Variants in CCSER1 observed in about 807,000 individuals in gnomAD.
The protein encoded by CCSER1 is coiled-coil serine rich protein 1.
A neutral mutation model predicts 82.0 loss-of-function variants in CCSER1; 41 were observed. The observed-to-expected ratio is 0.50, with a 90% CI of 0.39 to 0.65. The LOEUF is 0.65. CCSER1 is among the 30% of genes least tolerant of loss of function. The probability of loss-of-function intolerance (pLI) is 0.00; values close to 1 mark genes in which losing one functional copy is unlikely to be tolerated. For synonymous variants in CCSER1, 414 were observed against 383.9 expected (o/e 1.08, Z -0.92); for missense variants, 1,119 against 1,064.2 (o/e 1.05, Z -0.72).
intron 5 of CCSER1, among the ~76,000 whole-genome samples, chr4:90,622,729 G>C (rs368597403): frequency 6.6e-6 from 1 of 152,014 alleles, no homozygotes; most frequent in Non-Finnish European, 1.5e-5. Flanking sequence ...ATAAACATAC[G>C]TGTGCATGTG....
chr4:91,486,702 GTGTT>G (rs925953007), intron 10 of CCSER1, among the ~76,000 whole-genome samples: 28 of 152,036 alleles, frequency 1.8e-4, no homozygotes, highest in African/African-American at 6.5e-4. Context: ...GAGATTTAAA[GTGTT>G]TGAGAGGTCG....
intron 3 of CCSER1, among the ~76,000 whole-genome samples, chr4:90,345,242 T>A (rs1459039009): frequency 6.6e-6 from 1 of 152,132 alleles, no homozygotes; most frequent in African/African-American, 2.4e-5. Context: ...AGTCATTGAT[T>A]GCCATGTTAC....
chr4:90,981,188 T>A (rs969157337), intron 9 of CCSER1, among the ~76,000 whole-genome samples: 1 of 151,846 alleles, frequency 6.6e-6, no homozygotes, highest in African/African-American at 2.4e-5. Context: ...ATTGTCCAGA[T>A]TGCTAACATA....
intron 1 of CCSER1, among the ~76,000 whole-genome samples, chr4:90,284,747 C>T (rs1410850380): frequency 1.3e-5 from 2 of 152,000 alleles, no homozygotes; most frequent in African/African-American, 4.8e-5. Flanking sequence ...CCCACCTTGG[C>T]CTCCCAAAAT....
chr4:90,648,298 A>AAAGAAAGAAAG (rs2149027832), intron 6 of CCSER1, among the ~76,000 whole-genome samples: 1 of 149,110 alleles, frequency 6.7e-6, no homozygotes, highest in African/African-American at 2.5e-5. Flanking sequence ...AGAAAGAAAG[A>AAAGAAAGAAAG]AAGAAAGAAA....
intron 10 of CCSER1, among the ~76,000 whole-genome samples, chr4:91,433,180 G>T (rs1190807105): frequency 2.6e-5 from 4 of 152,072 alleles, no homozygotes; most frequent in African/African-American, 9.7e-5. Context: ...ATTAAGCTCC[G>T]TGAGATTTAG....
intron 8 of CCSER1, among the ~76,000 whole-genome samples, chr4:90,864,515 T>C (rs1765496463): frequency 6.6e-6 from 1 of 152,036 alleles, no homozygotes; most frequent in Admixed American, 6.6e-5. Flanking sequence ...TCCTACCATG[T>C]GATGACACAT....
chr4:91,011,342 C>G lies in CCSER1; in HGVS notation c.2173-74608C>G, dbSNP rs1456859873. Among the ~76,000 whole-genome samples, 3 of 134,102 alleles carry G rather than the reference C, an allele frequency of 2.2e-5. 1 individual carries two copies. The highest frequency in any genetic ancestry group is 7.4e-5 in the African/African-American group (3 of 40,298). The allele number at this position is 134,102 out of a possible 152,430, so 88.0% of individuals were successfully genotyped here. ...TAGGGATACTTAGCTTAGGGGACCT[C>G]TCTTGGTGCTGGATCTGACATGGCA... On this transcript the variant is annotated intron_variant, in intron 9 of 10. Transcript: ENST00000509176.
At chr4:91,394,221 ATGCG>A (rs1382575468) in intron 10 of CCSER1, among the ~76,000 whole-genome samples, 1 of 152,116 alleles carries the variant, frequency 6.6e-6, no homozygotes, top group Admixed American at 6.6e-5. Context: ...GGAAAAAACA[ATGCG>A]TTGAAATTGA....
At chr4:90,614,369 T>G (rs1720822854) in intron 5 of CCSER1, among the ~76,000 whole-genome samples, 1 of 152,166 alleles carries the variant, frequency 6.6e-6, no homozygotes. Context: ...AAGAGTCACA[T>G]TTCTCTAAAT....
intron 10 of CCSER1, among the ~76,000 whole-genome samples, chr4:91,142,201 GAATA>G (rs1025152082): frequency 3.3e-5 from 5 of 152,148 alleles, no homozygotes; most frequent in Admixed American, 6.5e-5. Flanking sequence ...TTGTGGTAGT[GAATA>G]AGTGTCACAA....
intron 5 of CCSER1, among the ~76,000 whole-genome samples, chr4:90,604,457 A>G (rs1490754026): frequency 6.6e-6 from 1 of 152,236 alleles, no homozygotes; most frequent in African/African-American, 2.4e-5. Context: ...ATTTAGTCTC[A>G]ACATCTATAA....
At chr4:90,773,575 C>T (rs985952181) in intron 7 of CCSER1, among the ~76,000 whole-genome samples, 1 of 152,118 alleles carries the variant, frequency 6.6e-6, no homozygotes, top group African/African-American at 2.4e-5. Flanking sequence ...TTCCCACCTC[C>T]TCTCCAGTAT....
intron 8 of CCSER1, among the ~76,000 whole-genome samples, chr4:90,852,875 C>T (rs748514699): frequency 1.3e-5 from 2 of 151,952 alleles, no homozygotes; most frequent in Non-Finnish European, 2.9e-5. Context: ...TACTATAGAG[C>T]GATTTATACT....
chr4:90,385,364 C>CTT (rs530190805), intron 3 of CCSER1, among the ~76,000 whole-genome samples: 1 of 136,176 alleles, frequency 7.3e-6, no homozygotes. Context: ...ATAAGTGTTC[C>CTT]TTTTTTTTTT....
intron 4 of CCSER1, among the ~76,000 whole-genome samples, chr4:90,421,070 G>C (rs544208293): frequency 1.3e-5 from 2 of 152,216 alleles, no homozygotes; most frequent in South Asian, 4.1e-4. Flanking sequence ...TGTATTTAAA[G>C]TTGTTCACCA....
chr4:91,345,115 G>A (rs1747965510), intron 10 of CCSER1, among the ~76,000 whole-genome samples: 1 of 152,176 alleles, frequency 6.6e-6, no homozygotes. Flanking sequence ...TAGTGGCCTG[G>A]CACGGTGGCT....
intron 10 of CCSER1, among the ~76,000 whole-genome samples, chr4:91,299,459 G>A (rs1006129283): frequency 6.6e-6 from 1 of 151,886 alleles, no homozygotes. Context: ...ACTTATCTGT[G>A]CATCATACTT....
rs1024766171 is a variant in CCSER1 at position 91,379,909 on chromosome 4, C to T, written c.2218-218663C>T. 3.9e-5 allele frequency among the ~76,000 whole-genome samples: 6 copies of T among 152,326 alleles called. 1 individual carries two copies. The Middle Eastern group carries it at 0.02, about 518-fold the overall frequency. The stretch of plus-strand genomic sequence containing the variant: ...AGTGCTATAAATTTCCCTCTACACA[C>T]TGCTTTAAATGTGTCCCAGAGATTC... On this transcript the variant is annotated intron_variant, in intron 10 of 10. Transcript: ENST00000509176.
Sources: allele counts gnomAD v4.1 joint callset (sites outside exome capture counted in the v4.1 genomes callset), GRCh38; gene constraint gnomAD v4.1.1; transcripts MANE v1.5; gene names NCBI Gene and HGNC (gene_info 2026-07-23, HGNC 2026-07-21).